ASXL1: variants seen among roughly 807,000 people sequenced by gnomAD.
ASXL1 encodes the protein ASXL transcriptional regulator 1.
ASXL1 carries 65 observed loss-of-function variants against 89.1 expected under a neutral mutation model. The ratio of observed to expected loss-of-function variants is 0.73; its 90% confidence interval spans 0.60 to 0.90. The LOEUF (loss-of-function observed/expected upper bound fraction) is 0.90, where lower values mean the gene tolerates loss of function less well. Among genes scored for constraint, ASXL1 ranks in the 40% least tolerant of loss-of-function variants. The pLI is 0.00. For synonymous variants in ASXL1, 739 were observed against 746.9 expected (o/e 0.99, Z 0.17); for missense variants, 1,786 against 1,942.9 (o/e 0.92, Z 1.52).
At chr20:32,432,806 G>T in intron 10 of ASXL1, 74 bp from the exon 11 acceptor site, 1 of 1,554,068 alleles carries the variant, frequency 6.4e-7, no homozygotes. Context: ...TTTAAAACTG[G>T]GAGATTCAGC....
Position 32,435,549 on chromosome 20 carries a change from C to T in ASXL1, c.2837C>T (p.Ala946Val), listed in dbSNP as rs550928293. Residue 946 changes from alanine (A) to valine (V), a missense_variant, in exon 13 of 13, where the codon GCT becomes GTT. Around this residue, in one of 3 missense-constraint regions of ASXL1, gnomAD observed 1,418 missense variants for 1,427.8 expected, o/e 0.99. Transcript: ENST00000375687. Reference protein sequence around the residue: ...TPPALPGDLTAEEGLDPLDSL... With the variant: ...TPPALPGDLTVEEGLDPLDSL... ...CCTGCATTGCCTGGGGATTTGACAG[C>T]TGAGGAGGGTCTAGATCCTCTTGAC... is the stretch of plus-strand genomic sequence containing the variant. 3 of 1,614,056 alleles carry T rather than the reference C, an allele frequency of 1.9e-6. No individual in the cohort carries two copies. Among genetic ancestry groups the T allele is most frequent in the Non-Finnish European group, 2.5e-6 (3 of 1,180,032 alleles).
At chr20:32,391,406 G>T (rs967713255) in intron 4 of ASXL1, among the ~76,000 whole-genome samples, 2 of 152,130 alleles carry the variant, frequency 1.3e-5, no homozygotes, top group African/African-American at 4.8e-5. Context: ...TTGCTGGGTT[G>T]GGTGGTAATT....
intron 4 of ASXL1, among the ~76,000 whole-genome samples, chr20:32,378,298 G>A (rs2048423920): frequency 1.3e-5 from 2 of 151,778 alleles, no homozygotes; most frequent in Admixed American, 6.6e-5. Context: ...AGGATTATAG[G>A]CGTGAACCAC....
intron 1 of ASXL1, among the ~76,000 whole-genome samples, chr20:32,364,311 G>A (rs2048170808): frequency 6.6e-6 from 1 of 152,064 alleles, no homozygotes; most frequent in Non-Finnish European, 1.5e-5. Context: ...CACTTCCTGG[G>A]CTCAGATGAT....
rs114341708 is a variant in ASXL1, at chr20:32,364,676, G to A, written c.58-1708G>A. Among the ~76,000 whole-genome samples the A allele has an allele frequency of 8.0e-3, 1,222 of 152,308 alleles. 23 individuals are homozygous for A. The highest frequency in any genetic ancestry group is 0.028 in the African/African-American group (1,168 of 41,550). On this transcript the variant is annotated intron_variant, in intron 1 of 12. Coordinates refer to ENST00000375687, the MANE Select transcript of ASXL1 (RefSeq NM_015338.6). ...GCCTCAGTCTCAGCTGAGACTATAG[G>A]TGTGCACCACCGTGCCTGGCCTGTT...
At chr20:32,369,908 A>G (rs761505084) in intron 4 of ASXL1, among the ~76,000 whole-genome samples, 4 of 150,984 alleles carry the variant, frequency 2.6e-5, no homozygotes, top group Non-Finnish European at 5.9e-5. Context: ...TTTAGTAGAG[A>G]CGGGGTTTCA....
chr20:32,434,244 C>G, intron 12 of ASXL1, 188 bp from the exon 13 acceptor site: 1 of 801,580 alleles, frequency 1.2e-6, no homozygotes, highest in Non-Finnish European at 2.0e-6. Flanking sequence ...TATAACAGCC[C>G]TTGAGCAGAA....
intron 4 of ASXL1, among the ~76,000 whole-genome samples, chr20:32,416,765 TG>T (rs1386082065): frequency 6.6e-6 from 1 of 152,232 alleles, no homozygotes; most frequent in African/African-American, 2.4e-5. Flanking sequence ...GCTCTTTCTG[TG>T]GGGGTTAGTG....
In ASXL1 at chr20:32,437,613, T is replaced by TG; in HGVS notation, c.*276dup. ...AGCCTGATGTGGCACGGAGTGGGGTTGCGGGGGGTGGGGGGACTGCCTGAC... is the reference window on the plus strand; with the variant it reads ...AGCCTGATGTGGCACGGAGTGGGGTTGGCGGGGGGTGGGGGGACTGCCTGAC... On this transcript the variant is annotated 3_prime_UTR_variant, in exon 13 of 13. Coordinates refer to ENST00000375687, the MANE Select transcript of ASXL1 (RefSeq NM_015338.6). The TG allele has an allele frequency of 1.2e-5, 5 of 420,696 alleles. No individual in the cohort carries two copies. Among genetic ancestry groups the TG allele is most frequent in the Non-Finnish European group, 1.3e-5 (3 of 233,784 alleles). The allele number at this position is 420,696 out of a possible 1,614,324, so 26.1% of individuals were successfully genotyped here. A position where few individuals can be genotyped will look rare whatever the true frequency, so the allele number is the denominator to read the frequency against.
chr20:32,379,862 C>T (rs1031392907), intron 4 of ASXL1, among the ~76,000 whole-genome samples: 2 of 151,884 alleles, frequency 1.3e-5, no homozygotes, highest in African/African-American at 2.4e-5. Context: ...TCAGTTATGG[C>T]TATTTGTACT....
At chr20:32,368,978 T>TAAAG in intron 3 of ASXL1, 37 bp from the exon 4 acceptor site, 1 of 1,535,198 alleles carries the variant, frequency 6.5e-7, no homozygotes, top group African/African-American at 1.4e-5. Flanking sequence ...GGCAGATGGA[T>TAAAG]TGTATAACCC....
intron 4 of ASXL1, among the ~76,000 whole-genome samples, chr20:32,400,061 C>T (rs985912133): frequency 2.0e-5 from 3 of 150,378 alleles, no homozygotes; most frequent in South Asian, 4.2e-4. Context: ...CATGCCCGGC[C>T]ATATTTTACC....
At chr20:32,376,209 C>A (rs1008244645) in intron 4 of ASXL1, among the ~76,000 whole-genome samples, 5 of 152,054 alleles carry the variant, frequency 3.3e-5, no homozygotes, top group African/African-American at 1.2e-4. Flanking sequence ...TGATAATGGA[C>A]AGGAAGACAC....
At chr20:32,428,572 C>T (rs921346642) in intron 6 of ASXL1, 150 bp downstream of exon 6, 3 of 741,080 alleles carry the variant, frequency 4.0e-6, no homozygotes, top group East Asian at 2.9e-5. Flanking sequence ...TAACAGGGGG[C>T]CGCAGGAAAA....
intron 12 of ASXL1, 120 bp downstream of exon 12, chr20:32,434,037 ATGAGAGGTTTGCT>A: frequency 7.1e-7 from 1 of 1,411,252 alleles, no homozygotes; most frequent in Non-Finnish European, 9.8e-7. Context: ...AGAGCTTTTT[ATGAGAGGTTTGCT>A]TGAGACAGCC....
At chr20:32,410,415 A>AGTTGTGCGC (rs2049023526) in intron 4 of ASXL1, among the ~76,000 whole-genome samples, 1 of 151,966 alleles carries the variant, frequency 6.6e-6, no homozygotes, top group Non-Finnish European at 1.5e-5. Flanking sequence ...TGTTGGGACT[A>AGTTGTGCGC]CAGGTGTGAG....
intron 2 of ASXL1, 54 bp from the exon 3 acceptor site, chr20:32,367,673 G>T (rs376220866): frequency 1.3e-6 from 1 of 779,872 alleles, no homozygotes; most frequent in Non-Finnish European, 2.4e-6. Flanking sequence ...GTTTTTATGG[G>T]CTATTTCCCA....
intron 4 of ASXL1, among the ~76,000 whole-genome samples, chr20:32,404,805 G>A (rs971957921): frequency 1.7e-4 from 26 of 152,192 alleles, no homozygotes; most frequent in Admixed American, 9.2e-4. Context: ...AGTTGAGGAC[G>A]TTTTCTTCTA....
intron 4 of ASXL1, among the ~76,000 whole-genome samples, chr20:32,413,442 A>G (rs1253697063): frequency 6.6e-6 from 1 of 152,220 alleles, no homozygotes; most frequent in Non-Finnish European, 1.5e-5. Context: ...AATAACAAAG[A>G]TGGGAAATAA....
Sources: allele counts gnomAD v4.1 joint callset (sites outside exome capture counted in the v4.1 genomes callset), GRCh38; gene constraint gnomAD v4.1.1; regional missense constraint gnomAD v4.1.1; transcripts MANE v1.5; gene names NCBI Gene and HGNC (gene_info 2026-07-23, HGNC 2026-07-21).